Variants in DLG2 observed in about 807,000 individuals in gnomAD.
DLG2 encodes disks large homolog 2.
In DLG2, 45 loss-of-function variants were observed where a neutral mutation model predicts 132.5. That is an observed-to-expected ratio of 0.34 (90% CI 0.27 to 0.44). The LOEUF (loss-of-function observed/expected upper bound fraction) is 0.44, where lower values mean the gene tolerates loss of function less well. Ranked by LOEUF, DLG2 falls within the 20% of genes least tolerant of loss-of-function variation. The pLI is 1.00. For synonymous variants in DLG2, 424 were observed against 419.6 expected (o/e 1.01, Z -0.13); for missense variants, 1,045 against 1,196.9 (o/e 0.87, Z 1.87).
At chr11:84,214,252 C>CAT (rs1221846590) in intron 8 of DLG2, among the ~76,000 whole-genome samples, 3 of 135,318 alleles carry the variant, frequency 2.2e-5, no homozygotes, top group Admixed American at 7.1e-5. Flanking sequence ...TATATATATA[C>CAT]ATATATATGA....
intron 6 of DLG2, among the ~76,000 whole-genome samples, chr11:84,898,214 G>A (rs577034792): frequency 2.7e-4 from 41 of 151,944 alleles, no homozygotes; most frequent in African/African-American, 9.6e-4. Context: ...GAGCTAGGTG[G>A]GAGAGTAAAA....
At chr11:84,802,108 A>C (rs2075459538) in intron 6 of DLG2, among the ~76,000 whole-genome samples, 1 of 149,836 alleles carries the variant, frequency 6.7e-6, no homozygotes. Flanking sequence ...TAAAAAAAAA[A>C]AGCAAAAAAA....
At chr11:85,331,154 C>A (rs1291549304) in intron 3 of DLG2, among the ~76,000 whole-genome samples, 2 of 152,140 alleles carry the variant, frequency 1.3e-5, no homozygotes, top group Admixed American at 6.6e-5. Flanking sequence ...TTCTAAAGAT[C>A]TGAACCTGAT....
chr11:85,133,751 G>A (rs1445494938), intron 5 of DLG2, among the ~76,000 whole-genome samples: 3 of 152,072 alleles, frequency 2.0e-5, no homozygotes, highest in Non-Finnish European at 4.4e-5. Flanking sequence ...CTCACTTGCT[G>A]TCTGCAGGCA....
intron 3 of DLG2, among the ~76,000 whole-genome samples, chr11:85,566,906 G>A (rs1331718559): frequency 2.0e-5 from 3 of 152,054 alleles, no homozygotes; most frequent in Non-Finnish European, 4.4e-5. Context: ...TATATGTCCT[G>A]GTAGCATTTG....
At chr11:84,708,767 T>C (rs530245036) in intron 6 of DLG2, among the ~76,000 whole-genome samples, 19 of 151,892 alleles carry the variant, frequency 1.3e-4, no homozygotes, top group African/African-American at 3.1e-4. Context: ...GGGAAATAGC[T>C]ACAGCAAAGG....
At chr11:84,126,250 A>T (rs2094166858) in intron 9 of DLG2, among the ~76,000 whole-genome samples, 2 of 152,216 alleles carry the variant, frequency 1.3e-5, no homozygotes, top group Admixed American at 6.5e-5. Context: ...AGGGATGGAA[A>T]AAAGGACTCT....
At chr11:84,818,682 G>A (rs1047542837) in intron 6 of DLG2, among the ~76,000 whole-genome samples, 1 of 151,678 alleles carries the variant, frequency 6.6e-6, no homozygotes, top group East Asian at 1.9e-4. Flanking sequence ...GAAAGCTCAG[G>A]CACACAAAAA....
chr11:85,588,336 T>G (rs1469475735), intron 3 of DLG2, among the ~76,000 whole-genome samples: 3 of 152,182 alleles, frequency 2.0e-5, no homozygotes, highest in Non-Finnish European at 4.4e-5. Context: ...TATTCTTGGG[T>G]TTGGTTAACA....
intron 6 of DLG2, among the ~76,000 whole-genome samples, chr11:84,987,950 G>A (rs1281737796): frequency 1.3e-5 from 2 of 152,154 alleles, no homozygotes; most frequent in East Asian, 3.8e-4. Context: ...TTTTTGCATG[G>A]CAAAAGGAAT....
chr11:84,121,441 T>C (rs2093906306), intron 9 of DLG2, among the ~76,000 whole-genome samples: 2 of 152,044 alleles, frequency 1.3e-5, no homozygotes, highest in African/African-American at 4.8e-5. Context: ...GCCAGTATTA[T>C]GGAAAATATT....
chr11:85,287,190 T>C (rs1225491796), intron 3 of DLG2, among the ~76,000 whole-genome samples: 7 of 151,996 alleles, frequency 4.6e-5, no homozygotes, highest in Non-Finnish European at 1.5e-5. Context: ...TATGTATCAA[T>C]TATGCATAAA....
At chr11:83,471,812 GC>G in intron 23 of DLG2, 85 bp from the exon 24 acceptor site, 3 of 1,077,718 alleles carry the variant, frequency 2.8e-6, no homozygotes, top group Non-Finnish European at 4.2e-6. Context: ...ATTCTTAATT[GC>G]CAGACAGTAA....
chr11:83,620,869 CAAAAAAA>C (rs56868518), intron 19 of DLG2, among the ~76,000 whole-genome samples: 2 of 57,224 alleles, frequency 3.5e-5, no homozygotes, highest in African/African-American at 2.0e-4. Context: ...GACTCCGTCT[CAAAAAAA>C]AAAAAAAAAA....
intron 4 of DLG2, among the ~76,000 whole-genome samples, chr11:85,249,311 G>A (rs952286464): frequency 6.6e-6 from 1 of 151,894 alleles, no homozygotes; most frequent in Non-Finnish European, 1.5e-5. Context: ...ACCTACGATA[G>A]CAGATGCAAT....
At chr11:84,629,115 A>G (rs1010880740) in intron 6 of DLG2, among the ~76,000 whole-genome samples, 1 of 152,188 alleles carries the variant, frequency 6.6e-6, no homozygotes, top group Non-Finnish European at 1.5e-5. Flanking sequence ...TTATAGTGCC[A>G]CTTTTGCTCT....
chr11:84,142,262 A>T (rs2094884692), intron 9 of DLG2, among the ~76,000 whole-genome samples: 1 of 149,582 alleles, frequency 6.7e-6, no homozygotes, highest in Non-Finnish European at 1.5e-5. Flanking sequence ...CGGAGGTTGC[A>T]GTGAGCCGAG....
chr11:85,057,554 A>G (rs925389323), intron 6 of DLG2, among the ~76,000 whole-genome samples: 4 of 151,682 alleles, frequency 2.6e-5, no homozygotes, highest in African/African-American at 9.7e-5. Context: ...AAGCCCAAAG[A>G]CTTCAGAGGT....
chr11:83,925,666 C>T (rs1024255063), intron 15 of DLG2, among the ~76,000 whole-genome samples: 1 of 152,036 alleles, frequency 6.6e-6, no homozygotes, highest in African/African-American at 2.4e-5. Context: ...CAGTTCATTT[C>T]CCATCCAAAA....
Sources: gnomAD v4.1 joint callset for allele counts (sites outside exome capture counted in the v4.1 genomes callset) on GRCh38, gnomAD v4.1.1 for gene constraint, MANE v1.5 for transcripts, NCBI Gene and HGNC (gene_info 2026-07-23, HGNC 2026-07-21) for gene names.